Variants in TIAM2 observed in about 807,000 individuals in gnomAD.
The protein encoded by TIAM2 is rho guanine nucleotide exchange factor TIAM2.
A neutral mutation model predicts 152.9 loss-of-function variants in TIAM2; 80 were observed. That is an observed-to-expected ratio of 0.52 (90% confidence interval 0.44 to 0.63). TIAM2 has a LOEUF of 0.63. TIAM2 is among the 30% of genes least tolerant of loss of function. The probability of loss-of-function intolerance (pLI) is 0.00; values close to 1 mark genes in which losing one functional copy is unlikely to be tolerated. For synonymous variants in TIAM2, 804 were observed against 838.0 expected (o/e 0.96, Z 0.70); for missense variants, 1,965 against 2,120.1 (o/e 0.93, Z 1.44).
At chr6:155,230,875 C>T (rs913833882) in intron 15 of TIAM2, among the ~76,000 whole-genome samples, 2 of 151,162 alleles carry the variant, frequency 1.3e-5, no homozygotes, top group African/African-American at 4.9e-5. Context: ...GCTCTGTCAC[C>T]CAGGCTGGAG....
intron 15 of TIAM2, among the ~76,000 whole-genome samples, chr6:155,225,717 C>T (rs555075188): frequency 2.0e-5 from 3 of 152,238 alleles, no homozygotes; most frequent in South Asian, 4.2e-4. Flanking sequence ...AAATCTTATT[C>T]CATTTCTGTT....
intron 2 of TIAM2, among the ~76,000 whole-genome samples, chr6:155,110,866 G>A (rs1778831291): frequency 1.3e-5 from 2 of 152,220 alleles, no homozygotes; most frequent in African/African-American, 2.4e-5. Context: ...AGTTGATTCA[G>A]GGTGTTCCTA....
chr6:155,169,398 A>T (rs1160191615), intron 9 of TIAM2, among the ~76,000 whole-genome samples: 1 of 152,240 alleles, frequency 6.6e-6, no homozygotes, highest in East Asian at 1.9e-4. Flanking sequence ...CTCTAAAGAG[A>T]TAGTCTTGAA....
At position 155,087,850 on chromosome 6, in the gene TIAM2, A is replaced by G. The variant is rs1778207003; in HGVS notation, c.-208-2439A>G. Among the ~76,000 whole-genome samples the G allele has an allele frequency of 2.6e-5, 4 of 152,148 alleles. No homozygotes were observed. The South Asian group carries it at 6.2e-4, about 24-fold the overall frequency. The stretch of plus-strand genomic sequence containing the variant: ...TTTAAGTAAATATGGAATGTATTCT[A>G]TAAGGTAGGCATTCTTGACCAGATA... On this transcript the variant is annotated intron_variant, in intron 1 of 26. Coordinates refer to ENST00000682666, the MANE Select transcript of TIAM2 (RefSeq NM_012454.4).
chr6:155,032,442 G>A (rs1264201726), intron 1 of TIAM2, among the ~76,000 whole-genome samples: 3 of 152,148 alleles, frequency 2.0e-5, no homozygotes, highest in African/African-American at 7.2e-5. Flanking sequence ...GGGAATTGAG[G>A]CATCTGTCAA....
intron 1 of TIAM2, among the ~76,000 whole-genome samples, chr6:155,044,279 C>T (rs150172178): frequency 1.7e-3 from 253 of 152,244 alleles, no homozygotes; most frequent in South Asian, 2.9e-3. Flanking sequence ...TTCTCATTCA[C>T]GATTTGGTTC....
intron 15 of TIAM2, among the ~76,000 whole-genome samples, chr6:155,237,338 A>G (rs1456766614): frequency 6.6e-6 from 1 of 152,248 alleles, no homozygotes; most frequent in East Asian, 1.9e-4. Flanking sequence ...TTTAAAGGAT[A>G]TAGCCTCCCT....
intron 2 of TIAM2, among the ~76,000 whole-genome samples, chr6:155,107,435 G>A (rs957584177): frequency 8.5e-5 from 13 of 152,160 alleles, no homozygotes; most frequent in Admixed American, 2.0e-4. Flanking sequence ...AAATTTGTAC[G>A]TATTGTATGG....
chr6:155,136,413 T>G (rs571917781), intron 4 of TIAM2, among the ~76,000 whole-genome samples: 54 of 151,774 alleles, frequency 3.6e-4, no homozygotes, highest in African/African-American at 1.3e-3. Context: ...TAGCTGGGAT[T>G]ACAGGTGCTC....
chr6:155,119,563 T>C (rs1779104645), intron 2 of TIAM2, among the ~76,000 whole-genome samples: 2 of 152,136 alleles, frequency 1.3e-5, no homozygotes. Flanking sequence ...GGTCTCAAAC[T>C]CCTGTCCTCA....
chr6:155,144,189 T>C (rs1284901373), intron 5 of TIAM2, among the ~76,000 whole-genome samples: 1 of 152,194 alleles, frequency 6.6e-6, no homozygotes, highest in Admixed American at 6.5e-5. Context: ...TGATTCTGTG[T>C]TCTCTTCCTC....
At chr6:155,088,824 A>T (rs1217328155) in intron 1 of TIAM2, among the ~76,000 whole-genome samples, 1 of 152,084 alleles carries the variant, frequency 6.6e-6, no homozygotes, top group African/African-American at 2.4e-5. Context: ...TTAAAAGCTC[A>T]TCAGCTATCA....
At chr6:155,043,352 G>A (rs556522331) in intron 1 of TIAM2, among the ~76,000 whole-genome samples, 4 of 152,232 alleles carry the variant, frequency 2.6e-5, no homozygotes, top group African/African-American at 9.6e-5. Context: ...AGAGGGGCCA[G>A]GTGCAGTGGC....
At chr6:155,040,575 G>T (rs1562298111) in intron 1 of TIAM2, among the ~76,000 whole-genome samples, 1 of 152,158 alleles carries the variant, frequency 6.6e-6, no homozygotes, top group Non-Finnish European at 1.5e-5. Flanking sequence ...CTGGAGTGCA[G>T]TGGCACCATC....
At position 155,133,161 on chromosome 6, in the gene TIAM2, C is replaced by T. The variant is rs577148583; in HGVS notation, c.1194+2744C>T. 1.1e-4 allele frequency among the ~76,000 whole-genome samples: 16 copies of T among 152,296 alleles called. No individual in the cohort carries two copies. In the South Asian group the frequency reaches 3.3e-3, roughly 32 times the overall value. On this transcript the variant is annotated intron_variant, in intron 4 of 26. Coordinates refer to ENST00000682666, the MANE Select transcript of TIAM2 (RefSeq NM_012454.4). ...CTGGAGGTCAGGAGTTTGAGACCAA[C>T]CTGGCCAACTTGGTGAAATCCCATC...
chr6:155,045,868 T>C (rs2114914058), intron 1 of TIAM2, among the ~76,000 whole-genome samples: 2 of 149,684 alleles, frequency 1.3e-5, no homozygotes, highest in South Asian at 4.3e-4. Flanking sequence ...TTTTGGTTTT[T>C]GTTTGTTTGT....
chr6:155,089,654 T>C (rs955635885), intron 1 of TIAM2, among the ~76,000 whole-genome samples: 16 of 152,198 alleles, frequency 1.1e-4, no homozygotes. Context: ...CAAATACCAT[T>C]CAGATTTCAG....
intron 1 of TIAM2, among the ~76,000 whole-genome samples, chr6:155,036,382 A>G (rs949720058): frequency 7.9e-5 from 12 of 151,730 alleles, no homozygotes; most frequent in Admixed American, 7.2e-4. Context: ...AAATACAAAA[A>G]AATTAGCCAG....
rs756434305 is a variant in TIAM2, at chr6:155,129,451, G to A, written c.228G>A (p.Ser76=). The change falls in exon 4 of 27, where the codon TCG becomes TCA. Residue 76 remains serine, a synonymous_variant. Transcript: ENST00000682666. This position sits in a 1 kb window ranked among gnomAD's most constrained non-coding sequence, Gnocchi z 4.8. ...TTAAGAGTAACCAGCCTTACGCATC[G>A]AGACTCGGTGGCCCCACATGCAAGG... The part of the protein sequence containing the change: ...SHFKSNQPYA[S]RLGGPTCKVS... 1.2e-5 allele frequency: 20 copies of A among 1,613,968 alleles called. No individual in the cohort carries two copies. The highest frequency in any genetic ancestry group is 1.1e-4 in the South Asian group (10 of 91,082).
Sources: allele counts gnomAD v4.1 joint callset (sites outside exome capture counted in the v4.1 genomes callset), GRCh38; gene constraint gnomAD v4.1.1; non-coding constraint Gnocchi (gnomAD v3.1); transcripts MANE v1.5; gene names NCBI Gene and HGNC (gene_info 2026-07-23, HGNC 2026-07-21).